The following NARF variants were observed in gnomAD, a reference collection of about 807,000 sequenced individuals.
NARF encodes nuclear prelamin A recognition factor, also known as iron-only hydrogenase-like protein 2.
Under a neutral mutation model 48.0 loss-of-function variants are expected in NARF, and 41 were observed. That is an observed-to-expected ratio of 0.85 (90% CI 0.66 to 1.11). The LOEUF is 1.11. Ranked by LOEUF, NARF falls within the 50% of genes least tolerant of loss-of-function variation. NARF has a pLI of 0.00. For missense variants in NARF, 613 were observed against 590.2 expected, an observed-to-expected ratio of 1.04 and a Z score of -0.40; for synonymous variants, 215 against 225.5, an observed-to-expected ratio of 0.95 and a Z score of 0.42.
intron 7 of NARF, chr17:82,481,747 G>C: frequency 2.5e-6 from 1 of 403,982 alleles, no homozygotes; most frequent in Non-Finnish European, 4.8e-6. Context: ...AAAAAAAAAA[G>C]ATAAATCAGG....
At chr17:82,462,631 G>T (rs948660889) in intron 2 of NARF, 1 of 152,514 alleles carries the variant, frequency 6.6e-6, no homozygotes, top group Non-Finnish European at 1.5e-5. Context: ...AGAGCACTCC[G>T]CTGGAAGTGC....
upstream of NARF, chr17:82,458,511 A>C: frequency 2.7e-6 from 1 of 375,500 alleles, no homozygotes; most frequent in Non-Finnish European, 4.8e-6. Flanking sequence ...CCGGCGCCGT[A>C]CGTGGAGTGA....
rs2043348565 is a variant in NARF, at chr17:82,458,751, C to T, written c.-53C>T. ...GCGGCGGGCAGTGGTGTCCCAGTCT[C>T]CCGGTGCTTCCCTGAGGCTGAGGCG... On this transcript the variant is annotated 5_prime_UTR_variant, in exon 1 of 11. Coordinates refer to ENST00000309794, the MANE Select transcript of NARF (RefSeq NM_012336.4). The T allele has an allele frequency of 4.1e-6, 6 of 1,475,644 alleles. No individual in the cohort carries two copies. Among genetic ancestry groups the T allele is most frequent in the Non-Finnish European group, 5.4e-6 (6 of 1,119,620 alleles). 91.4% of individuals were successfully genotyped at this position (1,475,644 alleles called of 1,614,324 possible). A position where few individuals can be genotyped will look rare whatever the true frequency, so the allele number is the denominator to read the frequency against.
In NARF at chr17:82,458,746, A is replaced by G. The variant is rs773606873; in HGVS notation, c.-58A>G. The G allele has an allele frequency of 1.2e-5, 18 of 1,474,504 alleles. No homozygotes were observed. Among genetic ancestry groups the G allele is most frequent in the African/African-American group, 1.5e-5 (1 of 68,226 alleles). The allele number at this position is 1,474,504 out of a possible 1,614,324, so 91.3% of individuals were successfully genotyped here. ...CGCGGGCGGCGGGCAGTGGTGTCCCAGTCTCCCGGTGCTTCCCTGAGGCTG... is the reference window on the plus strand; with the variant it reads ...CGCGGGCGGCGGGCAGTGGTGTCCCGGTCTCCCGGTGCTTCCCTGAGGCTG... On this transcript the variant is annotated 5_prime_UTR_variant, in exon 1 of 11. Transcript: ENST00000309794.
chr17:82,469,804 C>T (rs908650565), intron 4 of NARF, among the ~76,000 whole-genome samples: 1 of 152,164 alleles, frequency 6.6e-6, no homozygotes, highest in African/African-American at 2.4e-5. Flanking sequence ...TGATGTTTCA[C>T]CATGTTGGCC....
intron 5 of NARF, among the ~76,000 whole-genome samples, chr17:82,476,359 C>T (rs183471784): frequency 1.3e-4 from 20 of 152,232 alleles, no homozygotes; most frequent in Non-Finnish European, 4.4e-5. Flanking sequence ...CCAGGCCAGT[C>T]TCAAACTCCT....
chr17:82,475,129 C>T (rs2043804471), intron 5 of NARF, among the ~76,000 whole-genome samples: 1 of 152,120 alleles, frequency 6.6e-6, no homozygotes, highest in Non-Finnish European at 1.5e-5. Flanking sequence ...CCTGAGCCTG[C>T]CTCTGTGGTC....
At chr17:82,487,829 T>C in intron 10 of NARF, 87 bp from the exon 11 acceptor site, 1 of 1,173,362 alleles carries the variant, frequency 8.5e-7, no homozygotes, top group South Asian at 1.4e-5. Flanking sequence ...GGCAAGGTGG[T>C]GTGTGTCTGT....
intron 9 of NARF, among the ~76,000 whole-genome samples, chr17:82,485,292 G>A (rs2044071732): frequency 6.6e-6 from 1 of 152,046 alleles, no homozygotes; most frequent in Non-Finnish European, 1.5e-5. Flanking sequence ...GTGGTGGTGA[G>A]CGCCTATAGT....
chr17:82,487,788 C>CCAAAGAG, intron 10 of NARF, 128 bp from the exon 11 acceptor site: 5 of 759,778 alleles, frequency 6.6e-6, no homozygotes, highest in Non-Finnish European at 1.0e-5. Flanking sequence ...CCCTCCCGCC[C>CCAAAGAG]AATCTCTACA....
At chr17:82,482,143 A>AAAACAGGTCCCTGC (rs1264359295) in intron 7 of NARF, 2 of 315,324 alleles carry the variant, frequency 6.3e-6, no homozygotes, top group Non-Finnish European at 1.3e-5. Context: ...TTGGTCTCTG[A>AAAACAGGTCCCTGC]AAACAGGTCC....
At chr17:82,487,789 A>AG in intron 10 of NARF, 127 bp from the exon 11 acceptor site, 1 of 321,328 alleles carries the variant, frequency 3.1e-6, no homozygotes, top group Non-Finnish European at 6.1e-6. Flanking sequence ...CCTCCCGCCC[A>AG]ATCTCTACAA....
Position 82,488,479 on chromosome 17 carries a change from G to A in NARF, c.*322G>A, listed in dbSNP as rs929631937. The A allele has an allele frequency of 3.5e-5, 9 of 257,016 alleles. No individual in the cohort carries two copies. Among genetic ancestry groups the A allele is most frequent in the Non-Finnish European group, 1.5e-5 (2 of 132,232 alleles). The allele number at this position is 257,016 out of a possible 1,614,324, so 15.9% of individuals were successfully genotyped here. On this transcript the variant is annotated 3_prime_UTR_variant, in exon 11 of 11. Coordinates refer to ENST00000309794, the MANE Select transcript of NARF (RefSeq NM_012336.4). ...CAACCTCTGCCTCCCGGGTTCAAGC[G>A]ATTCTCTTGCCCCAGCCTCCCGAGT...
chr17:82,485,883 G>A (rs1293329958), intron 10 of NARF, among the ~76,000 whole-genome samples: 6 of 152,214 alleles, frequency 3.9e-5, no homozygotes, highest in East Asian at 1.9e-4. Flanking sequence ...TCTTGGGGAC[G>A]TGCCCTCAGG....
At chr17:82,469,011 T>G (rs2043636754) in intron 4 of NARF, 115 bp downstream of exon 4, 1 of 1,198,564 alleles carries the variant, frequency 8.3e-7, no homozygotes, top group South Asian at 1.5e-5. Flanking sequence ...TCCAAAAGAG[T>G]CTCTTGGAAC....
chr17:82,479,062 TCAG>T lies in NARF; in HGVS notation c.639+148_639+150del. ...AAGGAAGCTGTGGCTTCAGGAAACA[TCAG>T]CAGTGCTGTTTCTCACCAACGCCCG... On this transcript the variant is annotated intron_variant, in intron 6 of 10. Coordinates refer to ENST00000309794, the MANE Select transcript of NARF (RefSeq NM_012336.4). The T allele has an allele frequency of 9.2e-6, 6 of 649,176 alleles. No individual in the cohort carries two copies. In the South Asian group the frequency reaches 1.2e-4, roughly 13 times the overall value. The allele number at this position is 649,176 out of a possible 1,614,324, so 40.2% of individuals were successfully genotyped here. A position where few individuals can be genotyped will look rare whatever the true frequency, so the allele number is the denominator to read the frequency against.
rs2143834105 is a variant in NARF at position 82,464,403 on chromosome 17, C to T, written c.225C>T (p.Asp75=). The T allele has an allele frequency of 6.2e-7, 1 of 1,613,942 alleles. No individual in the cohort carries two copies. Among genetic ancestry groups the T allele is most frequent in the Non-Finnish European group, 8.5e-7 (1 of 1,179,864 alleles). Residue 75 remains aspartate (D), a synonymous_variant, in exon 3 of 11, where the codon GAC becomes GAT. Transcript: ENST00000309794. ...AACTTTCCCAGCAAAATGCCAAGGA[C>T]TTCTTCCGCGTTCTGAACCTTAACA... ...GVQLSQQNAK[D]FFRVLNLNKK...
chr17:82,468,743 A>G (rs748400363), intron 3 of NARF, 21 bp from the exon 4 acceptor site: 4 of 1,612,400 alleles, frequency 2.5e-6, no homozygotes, highest in Non-Finnish European at 3.4e-6. Flanking sequence ...GATACCTAAC[A>G]TTCTCTATTT....
intron 6 of NARF, 66 bp downstream of exon 6, chr17:82,478,984 A>T: frequency 1.4e-6 from 2 of 1,471,338 alleles, no homozygotes; most frequent in South Asian, 2.4e-5. Flanking sequence ...GGGGCCCAGG[A>T]AGGGGAGGTT....
Sources: gnomAD v4.1 joint callset for allele counts (sites outside exome capture counted in the v4.1 genomes callset) on GRCh38, gnomAD v4.1.1 for gene constraint, MANE v1.5 for transcripts, NCBI Gene and HGNC (gene_info 2026-07-23, HGNC 2026-07-21) for gene names.